The following PRR16 variants were observed in gnomAD, a reference collection of about 807,000 sequenced individuals.
PRR16 encodes the protein proline rich 16.
Under a neutral mutation model 18.2 loss-of-function variants are expected in PRR16, and 6 were observed. The ratio of observed to expected loss-of-function variants is 0.33; its 90% CI spans 0.18 to 0.65. PRR16 has a LOEUF of 0.65. PRR16 is among the 30% of genes least tolerant of loss of function. The pLI, the probability that PRR16 is intolerant of heterozygous loss-of-function variation, is 0.74. For missense variants in PRR16, 412 were observed against 376.6 expected (o/e 1.09, Z -0.78); for synonymous variants, 151 against 147.8 (o/e 1.02, Z -0.16).
chr5:120,631,376 C>A (rs1382883330), intron 1 of PRR16, among the ~76,000 whole-genome samples: 1 of 152,122 alleles, frequency 6.6e-6, no homozygotes, highest in African/African-American at 2.4e-5. Flanking sequence ...TGCAGGCTCC[C>A]TGAGACACTG....
At chr5:120,715,065 T>C in the PRR16 span, among the ~76,000 whole-genome samples, 3 of 151,776 alleles carry the variant, frequency 2.0e-5, no homozygotes, top group East Asian at 5.8e-4. Flanking sequence ...CGTATATCTA[T>C]GTAACAAAAC....
chr5:120,738,477 AT>A, the PRR16 span, among the ~76,000 whole-genome samples: 5 of 152,034 alleles, frequency 3.3e-5, no homozygotes, highest in African/African-American at 9.7e-5. Context: ...AAGTTTTAAT[AT>A]TTACATGACG....
the PRR16 span, among the ~76,000 whole-genome samples, chr5:120,760,355 C>A: frequency 6.6e-6 from 1 of 151,730 alleles, no homozygotes; most frequent in African/African-American, 2.4e-5. Flanking sequence ...ATACAATATA[C>A]CCATACCCTC....
chr5:120,739,596 T>A, the PRR16 span, among the ~76,000 whole-genome samples: 4 of 152,272 alleles, frequency 2.6e-5, no homozygotes, highest in South Asian at 8.3e-4. Flanking sequence ...TTTAACAAAT[T>A]GGTTTATTTT....
At chr5:120,738,894 G>A in the PRR16 span, among the ~76,000 whole-genome samples, 5 of 152,104 alleles carry the variant, frequency 3.3e-5, no homozygotes, top group African/African-American at 1.2e-4. Flanking sequence ...GAACTGGCTG[G>A]ATCAAATACT....
intron 1 of PRR16, among the ~76,000 whole-genome samples, chr5:120,547,362 G>C (rs868075804): frequency 3.3e-5 from 5 of 151,960 alleles, no homozygotes; most frequent in African/African-American, 4.8e-5. Context: ...AAAATGGGTG[G>C]GTGGCAATAT....
At chr5:120,754,290 A>G in the PRR16 span, among the ~76,000 whole-genome samples, 1 of 73,758 alleles carries the variant, frequency 1.4e-5, no homozygotes, top group Non-Finnish European at 2.5e-5. Context: ...ATAAATATAT[A>G]ATATATAATA....
chr5:120,500,593 C>T (rs939550225), intron 1 of PRR16, among the ~76,000 whole-genome samples: 1 of 152,298 alleles, frequency 6.6e-6, no homozygotes, highest in Non-Finnish European at 1.5e-5. Flanking sequence ...AATTTTATGT[C>T]ATGAATCTCA....
chr5:120,569,092 T>G (rs936188095), intron 1 of PRR16, among the ~76,000 whole-genome samples: 1 of 152,056 alleles, frequency 6.6e-6, no homozygotes, highest in Non-Finnish European at 1.5e-5. Flanking sequence ...AGTATCCTGT[T>G]TTTAGGAGTT....
intron 1 of PRR16, among the ~76,000 whole-genome samples, chr5:120,621,604 A>T (rs1331288994): frequency 6.6e-6 from 1 of 152,116 alleles, no homozygotes; most frequent in African/African-American, 2.4e-5. Context: ...GGGAGAGACC[A>T]GGTGGGGGTA....
the PRR16 span, among the ~76,000 whole-genome samples, chr5:120,775,033 C>T: frequency 6.6e-6 from 1 of 152,134 alleles, no homozygotes; most frequent in African/African-American, 2.4e-5. Flanking sequence ...ATACTCTAAC[C>T]TTACTCATTA....
At chr5:120,740,140 C>T in the PRR16 span, among the ~76,000 whole-genome samples, 1 of 152,062 alleles carries the variant, frequency 6.6e-6, no homozygotes, top group African/African-American at 2.4e-5. Flanking sequence ...ACTTAAGGGG[C>T]TTTGGTCTTT....
chr5:120,714,169 G>A, the PRR16 span, among the ~76,000 whole-genome samples: 1 of 151,878 alleles, frequency 6.6e-6, no homozygotes. Flanking sequence ...AGCCAAAATG[G>A]CAAGTGTGAT....
intron 1 of PRR16, among the ~76,000 whole-genome samples, chr5:120,677,438 GTCAAA>G (rs1015776019): frequency 6.6e-5 from 10 of 152,178 alleles, no homozygotes; most frequent in African/African-American, 2.4e-4. Context: ...ACTGAGAAAG[GTCAAA>G]TAGTTAGGGG....
intron 1 of PRR16, among the ~76,000 whole-genome samples, chr5:120,678,035 G>C (rs563795632): frequency 1.4e-5 from 2 of 145,004 alleles, no homozygotes; most frequent in East Asian, 4.4e-4. Context: ...TCAGCCTCCC[G>C]AATAGCTGGG....
intron 1 of PRR16, among the ~76,000 whole-genome samples, chr5:120,575,320 C>CAG (rs1554084550): frequency 1.4e-5 from 2 of 143,034 alleles, no homozygotes; most frequent in Non-Finnish European, 3.1e-5. Flanking sequence ...GACAAGGAAA[C>CAG]ACACACACAC....
chr5:120,481,391 A>G, intron 1 of PRR16: 2 of 290,278 alleles, frequency 6.9e-6, no homozygotes, highest in Admixed American at 9.5e-5. Flanking sequence ...TTAGCCTCCC[A>G]AAGTGCTGGT....
At chr5:120,779,421 CAAAACAAAA>C in the PRR16 span, among the ~76,000 whole-genome samples, 1 of 151,908 alleles carries the variant, frequency 6.6e-6, no homozygotes, top group Admixed American at 6.6e-5. Context: ...CAAAACAAAA[CAAAACAAAA>C]AAACACAACA....
intron 1 of PRR16, among the ~76,000 whole-genome samples, chr5:120,543,245 A>G (rs1468450531): frequency 6.6e-6 from 1 of 152,174 alleles, no homozygotes; most frequent in Non-Finnish European, 1.5e-5. Flanking sequence ...AAAACGGATG[A>G]AAACTTGCTT....
Sources: allele counts gnomAD v4.1 joint callset (sites outside exome capture counted in the v4.1 genomes callset), GRCh38; gene constraint gnomAD v4.1.1; transcripts MANE v1.5; gene names NCBI Gene and HGNC (gene_info 2026-07-23, HGNC 2026-07-21).